The following NBEA variants were observed in gnomAD, a reference collection of about 807,000 sequenced individuals.
NBEA encodes the protein neurobeachin.
A neutral mutation model predicts 343.4 loss-of-function variants in NBEA; 44 were observed. The ratio of observed to expected loss-of-function variants is 0.13; its 90% CI spans 0.10 to 0.16. NBEA has a LOEUF of 0.16. Ranked by LOEUF, NBEA falls within the 10% of genes least tolerant of loss-of-function variation. The pLI is 1.00. For synonymous variants in NBEA, 1,175 were observed against 1,238.7 expected, an observed-to-expected ratio of 0.95 and a Z score of 1.08; for missense variants, 2,555 against 3,631.3, an observed-to-expected ratio of 0.70 and a Z score of 7.62.
intron 36 of NBEA, among the ~76,000 whole-genome samples, chr13:35,323,603 T>C (rs1383383417): frequency 6.7e-6 from 1 of 149,816 alleles, no homozygotes; most frequent in African/African-American, 2.5e-5. Flanking sequence ...TTGGGAGATA[T>C]ACCTAATGCT....
chr13:35,597,535 A>G (rs1423721549), intron 47 of NBEA, among the ~76,000 whole-genome samples: 1 of 152,154 alleles, frequency 6.6e-6, no homozygotes, highest in Non-Finnish European at 1.5e-5. Flanking sequence ...CTTTTAAAAT[A>G]ATACTGAATA....
At chr13:35,388,638 C>G (rs1369001669) in intron 38 of NBEA, among the ~76,000 whole-genome samples, 1 of 152,074 alleles carries the variant, frequency 6.6e-6, no homozygotes, top group Admixed American at 6.6e-5. Flanking sequence ...CATTTTAGAT[C>G]ATTTTAAGAC....
At chr13:35,412,872 G>A (rs1231252227) in intron 38 of NBEA, among the ~76,000 whole-genome samples, 1 of 152,060 alleles carries the variant, frequency 6.6e-6, no homozygotes, top group Non-Finnish European at 1.5e-5. Flanking sequence ...ATGATCTTGG[G>A]CACATTACTT....
At chr13:35,241,846 C>T (rs1055154583) in intron 34 of NBEA, among the ~76,000 whole-genome samples, 1 of 151,864 alleles carries the variant, frequency 6.6e-6, no homozygotes, top group Non-Finnish European at 1.5e-5. Context: ...ACACCCTCCT[C>T]AACACAGTGC....
intron 10 of NBEA, among the ~76,000 whole-genome samples, chr13:35,091,280 C>A (rs555612856): frequency 3.3e-5 from 5 of 151,978 alleles, no homozygotes; most frequent in African/African-American, 1.2e-4. Context: ...AACTAAAGCC[C>A]CAGCGTTTTG....
rs540895870 is a variant in NBEA at position 35,111,845 on chromosome 13, G to A, written c.2002+867G>A. Reference sequence around the variant, plus strand: ...TATATGTTAGAGTACTTCCTTTTGCGTGCTCACAATAGCATTGAATATTAT... The same window carrying A: ...TATATGTTAGAGTACTTCCTTTTGCATGCTCACAATAGCATTGAATATTAT... On this transcript the variant is annotated intron_variant, in intron 13 of 58. Transcript: ENST00000379939. Among the ~76,000 whole-genome samples, 49 of 150,846 alleles carry A rather than the reference G, an allele frequency of 3.2e-4. No individual in the cohort carries two copies. The South Asian group carries it at 9.0e-3, about 28-fold the overall frequency.
chr13:35,070,840 A>G lies in NBEA; in HGVS notation c.1559A>G (p.Glu520Gly). Residue 520 changes from glutamate to glycine, a missense_variant, in exon 10 of 59, where the codon GAA (glutamate) becomes GGA (glycine). Physicochemically the swap from Glu to Gly is moderately conservative, Grantham distance 98. This residue lies in a region of NBEA where 360 missense variants were observed against 519.1 expected (regional missense o/e 0.69). Coordinates refer to ENST00000379939, the MANE Select transcript of NBEA (RefSeq NM_001385012.1). ...AGGCAGCTCAATGACAGTCAAGTGG[A>G]AACAACTGTCTGGTAAGTTTTCTTT... ...DNRQLNDSQV[E>G]TTVCATLLAF... 1 of 1,609,868 alleles carries G rather than the reference A, an allele frequency of 6.2e-7. No individual in the cohort carries two copies. The highest frequency in any genetic ancestry group is 8.5e-7 in the Non-Finnish European group (1 of 1,178,478).
intron 33 of NBEA, among the ~76,000 whole-genome samples, chr13:35,221,071 C>T (rs1294839343): frequency 8.6e-5 from 13 of 152,010 alleles, no homozygotes; most frequent in South Asian, 2.1e-4. Flanking sequence ...TCCAGCTGGG[C>T]GTGATGGCTC....
intron 40 of NBEA, among the ~76,000 whole-genome samples, chr13:35,455,213 C>T (rs1279349673): frequency 4.0e-5 from 6 of 151,622 alleles, no homozygotes; most frequent in Non-Finnish European, 8.8e-5. Context: ...TTTACAAAAC[C>T]CCGTTTTGCT....
In NBEA at chr13:35,177,053, C is replaced by T; in HGVS notation, c.4612C>T (p.Leu1538Phe). 6.2e-7 allele frequency: 1 copy of T among 1,606,164 alleles called. No individual in the cohort carries two copies. ...TCCTATTAAGGATCCGGATAGACTT[C>T]TTCAGGATGTTGATATCAATCGCCT... ...LSPIKDPDRL[L>F]QDVDINRLRA... Residue 1538 changes from leucine to phenylalanine, a missense_variant, in exon 28 of 59, where the codon CTT becomes TTT. Leu to Phe is a conservative substitution (Grantham distance 22). Around this residue, in one of 21 missense-constraint regions of NBEA, gnomAD observed 168 missense variants for 193.0 expected, o/e 0.87. Transcript: ENST00000379939.
intron 1 of NBEA, among the ~76,000 whole-genome samples, chr13:34,991,015 C>T (rs1010609713): frequency 6.6e-6 from 1 of 152,152 alleles, no homozygotes; most frequent in African/African-American, 2.4e-5. Context: ...TGATCTTTGC[C>T]CCAGTTCCCA....
At chr13:35,458,829 A>C (rs1471689918) in intron 40 of NBEA, among the ~76,000 whole-genome samples, 2 of 152,146 alleles carry the variant, frequency 1.3e-5, no homozygotes, top group Non-Finnish European at 2.9e-5. Flanking sequence ...ACTGTAAAAA[A>C]AATTTAGCAA....
At chr13:35,079,089 G>A (rs529796419) in intron 10 of NBEA, among the ~76,000 whole-genome samples, 17 of 152,058 alleles carry the variant, frequency 1.1e-4, no homozygotes, top group Non-Finnish European at 2.1e-4. Flanking sequence ...AAAATTTAGG[G>A]TACAAAATGA....
chr13:35,049,083 T>C (rs998805179), intron 5 of NBEA, among the ~76,000 whole-genome samples: 2 of 151,836 alleles, frequency 1.3e-5, no homozygotes, highest in African/African-American at 2.4e-5. Flanking sequence ...TGACATATGC[T>C]TTAAAATTGT....
At chr13:35,070,183 C>A in intron 9 of NBEA, 78 bp downstream of exon 9, 1 of 1,282,442 alleles carries the variant, frequency 7.8e-7, no homozygotes, top group Non-Finnish European at 1.0e-6. Context: ...AAACATTGCT[C>A]ATCTATAAAT....
At chr13:35,242,930 G>T (rs1368677866) in intron 34 of NBEA, among the ~76,000 whole-genome samples, 1 of 151,208 alleles carries the variant, frequency 6.6e-6, no homozygotes, top group Non-Finnish European at 1.5e-5. Flanking sequence ...TTGGAAAGAG[G>T]GATTCTACAC....
At chr13:35,506,623 A>G (rs2152984022) in intron 41 of NBEA, among the ~76,000 whole-genome samples, 1 of 152,296 alleles carries the variant, frequency 6.6e-6, no homozygotes, top group South Asian at 2.1e-4. Context: ...AACACAGTCA[A>G]AAGATAAATC....
At chr13:35,123,437 T>C in intron 16 of NBEA, 45 bp from the exon 17 acceptor site, 1 of 1,169,720 alleles carries the variant, frequency 8.5e-7, no homozygotes, top group South Asian at 2.0e-5. Context: ...TGTTTTTGTT[T>C]TTAATATTAG....
chr13:35,411,285 T>A (rs1363339881), intron 38 of NBEA, among the ~76,000 whole-genome samples: 1 of 152,232 alleles, frequency 6.6e-6, no homozygotes, highest in African/African-American at 2.4e-5. Flanking sequence ...TGCTTAACTT[T>A]AATTTCTCAG....
Sources: gnomAD v4.1 joint callset for allele counts (sites outside exome capture counted in the v4.1 genomes callset) on GRCh38, gnomAD v4.1.1 for gene constraint, gnomAD v4.1.1 regional missense constraint, MANE v1.5 for transcripts, NCBI Gene and HGNC (gene_info 2026-07-23, HGNC 2026-07-21) for gene names.